LINC00632: variants seen among roughly 807,000 people sequenced by gnomAD.
LINC00632 encodes the protein ALDOA related specific transcript.
exon 5 of LINC00632, among the ~76,000 whole-genome samples, chrX:140,786,659 G>C (rs2148406983): frequency 9.0e-6 from 1 of 111,071 alleles, no homozygotes; most frequent in South Asian, 3.8e-4. Flanking sequence ...GTACTTTTTG[G>C]TTTAGTATAT....
chrX:140,769,477 C>T (rs952158321), intron 3 of LINC00632, among the ~76,000 whole-genome samples: 11 of 109,293 alleles, frequency 1.0e-4, no homozygotes, highest in African/African-American at 3.4e-4. Flanking sequence ...TTCTCCACCC[C>T]ACCCCCCCCA....
At chrX:140,747,404 C>G (rs909805334) in intron 3 of LINC00632, among the ~76,000 whole-genome samples, 3 of 109,242 alleles carry the variant, frequency 2.7e-5, no homozygotes, top group African/African-American at 1.0e-4. Flanking sequence ...GGCTGGAGAG[C>G]CTGTAATCCC....
chrX:140,783,486 A>C (rs977588320), exon 5 of LINC00632: 5 of 905,555 alleles, frequency 5.5e-6, no homozygotes, highest in Non-Finnish European at 7.7e-6. Context: ...TCCATCAAAT[A>C]CAGATCTTCC....
intron 3 of LINC00632, among the ~76,000 whole-genome samples, chrX:140,767,197 TAA>T (rs1181254607): frequency 9.0e-6 from 1 of 111,490 alleles, no homozygotes; most frequent in East Asian, 2.8e-4. Flanking sequence ...TCCTGCTTAA[TAA>T]ATGTGTGACC....
chrX:140,742,863 G>GAGAGAA (rs1266202500), intron 3 of LINC00632, among the ~76,000 whole-genome samples: 321 of 96,291 alleles, frequency 3.3e-3, no homozygotes, highest in Non-Finnish European at 5.7e-3. Flanking sequence ...GAGAGAGAGA[G>GAGAGAA]AGAGAGAGAG....
intron 2 of LINC00632, among the ~76,000 whole-genome samples, chrX:140,723,529 T>C (rs866998102): frequency 5.4e-5 from 3 of 55,306 alleles, no homozygotes; most frequent in East Asian, 5.0e-4. Context: ...AAACATTCCA[T>C]ACACACACAC....
At position 140,746,241 on chromosome X, in the gene LINC00632, AC is replaced by A. The variant is rs781610392; in HGVS notation, n.191+12278del. On this transcript the variant is annotated intron_variant and non_coding_transcript_variant, in intron 3 of 4. Coordinates refer to ENST00000648200, the Ensembl canonical transcript of LINC00632. ...TAAAATCTACTCTTTTAACTACTTA[AC>A]TTTTTGTGGTGAAACATTTAAAATA... Among the ~76,000 whole-genome samples the A allele has an allele frequency of 3.7e-4, 41 of 111,700 alleles. No individual in the cohort carries two copies. The East Asian group carries it at 0.011, about 31-fold the overall frequency.
At chrX:140,744,150 T>G (rs1300540461) in intron 3 of LINC00632, among the ~76,000 whole-genome samples, 1 of 110,832 alleles carries the variant, frequency 9.0e-6, no homozygotes, top group Non-Finnish European at 1.9e-5. Context: ...CCACAAGGGC[T>G]GCAAACCTGG....
At chrX:140,748,841 T>C (rs1931367555) in intron 3 of LINC00632, among the ~76,000 whole-genome samples, 1 of 96,569 alleles carries the variant, frequency 1.0e-5, no homozygotes, top group Non-Finnish European at 2.0e-5. Context: ...CTATGATATA[T>C]ATATTTTATA....
In LINC00632 at chrX:140,720,107, A is replaced by T. The variant is rs368281566; in HGVS notation, n.104+8451A>T. On this transcript the variant is annotated intron_variant and non_coding_transcript_variant, in intron 2 of 4. Coordinates refer to ENST00000648200, the Ensembl canonical transcript of LINC00632. ...GTCTCAAAAAAAAAAAAAAAAACTC[A>T]TATCCCAGATTAGTCTGCCAACCCA... Among the ~76,000 whole-genome samples the T allele has an allele frequency of 7.4e-5, 8 of 108,698 alleles. No homozygotes were observed. In the South Asian group the frequency reaches 3.3e-3, roughly 45 times the overall value. 94.4% of individuals were successfully genotyped at this position (108,698 alleles called of 115,157 possible).
At chrX:140,757,094 G>T (rs971052222) in intron 3 of LINC00632, among the ~76,000 whole-genome samples, 2 of 110,902 alleles carry the variant, frequency 1.8e-5, no homozygotes, top group Non-Finnish European at 3.8e-5. Flanking sequence ...ATCAGTGGCA[G>T]ACGAGAGAAG....
chrX:140,743,829 C>G (rs1931281473), intron 3 of LINC00632, among the ~76,000 whole-genome samples: 1 of 111,526 alleles, frequency 9.0e-6, no homozygotes, highest in African/African-American at 3.3e-5. Flanking sequence ...ACCTCCTCCT[C>G]TTGACCTTGG....
At chrX:140,723,391 TACAC>T (rs768916029) in intron 2 of LINC00632, among the ~76,000 whole-genome samples, 1 of 5,853 alleles carries the variant, frequency 1.7e-4, no homozygotes, top group African/African-American at 2.1e-4. Flanking sequence ...ACACATTCCA[TACAC>T]ACACATTCCA....
exon 5 of LINC00632, chrX:140,782,997 G>A (rs6636116): frequency 0.12 from 13,561 of 112,477 alleles, 646 homozygotes; most frequent in Middle Eastern, 0.17. Context: ...GAGTTCCAAG[G>A]TACAGGACTT....
chrX:140,757,462 T>C (rs147902749), intron 3 of LINC00632, among the ~76,000 whole-genome samples: 30 of 111,364 alleles, frequency 2.7e-4, no homozygotes, highest in Non-Finnish European at 4.9e-4. Context: ...ATACTTGCAA[T>C]GAGTTCTTAA....
chrX:140,786,753 T>C (rs771419181), exon 5 of LINC00632, among the ~76,000 whole-genome samples: 1 of 111,775 alleles, frequency 8.9e-6, no homozygotes, highest in Admixed American at 9.5e-5. Context: ...AGTTATTTGG[T>C]ATAGTGAAAA....
intron 3 of LINC00632, among the ~76,000 whole-genome samples, chrX:140,761,629 A>G (rs1431906871): frequency 8.8e-6 from 1 of 113,064 alleles, no homozygotes; most frequent in African/African-American, 3.2e-5. Flanking sequence ...GCATTCTGCC[A>G]GGAGTCTCAC....
chrX:140,773,299 G>A (rs2148401914), exon 4 of LINC00632, among the ~76,000 whole-genome samples: 1 of 112,580 alleles, frequency 8.9e-6, no homozygotes, highest in Admixed American at 9.4e-5. Flanking sequence ...AGCTGCCGGA[G>A]AGTATCCTGA....
At chrX:140,766,977 T>C (rs1322697999) in intron 3 of LINC00632, among the ~76,000 whole-genome samples, 1 of 112,114 alleles carries the variant, frequency 8.9e-6, no homozygotes, top group Admixed American at 9.5e-5. Flanking sequence ...TAAGATGGTT[T>C]TTGCTCATTG....
Sources: gnomAD v4.1 joint callset for allele counts (sites outside exome capture counted in the v4.1 genomes callset) on GRCh38, gnomAD v4.1.1 for gene constraint, MANE v1.5 for transcripts, NCBI Gene and HGNC (gene_info 2026-07-23, HGNC 2026-07-21) for gene names.